Variants in UIMC1 observed in about 807,000 individuals in gnomAD.
UIMC1 encodes ubiquitin interaction motif containing 1, also known as BRCA1-A complex subunit RAP80.
UIMC1 carries 42 observed loss-of-function variants against 84.9 expected under a neutral mutation model. That is an observed-to-expected ratio of 0.49 (90% CI 0.39 to 0.64). UIMC1 has a LOEUF of 0.64. Among genes scored for constraint, UIMC1 ranks in the 30% least tolerant of loss-of-function variants. The probability of loss-of-function intolerance (pLI) is 0.00; values close to 1 mark genes in which losing one functional copy is unlikely to be tolerated. For missense variants in UIMC1, 825 were observed against 847.6 expected (o/e 0.97, Z 0.33); for synonymous variants, 281 against 293.0 (o/e 0.96, Z 0.42).
At chr5:176,996,376 T>C (rs1333212379) in intron 1 of UIMC1, among the ~76,000 whole-genome samples, 3 of 152,158 alleles carry the variant, frequency 2.0e-5, no homozygotes, top group South Asian at 2.1e-4. Context: ...TACACAGTTA[T>C]ATACCTTGAT....
At chr5:176,918,029 T>C (rs1314416263) in intron 10 of UIMC1, among the ~76,000 whole-genome samples, 2 of 152,260 alleles carry the variant, frequency 1.3e-5, no homozygotes, top group East Asian at 1.9e-4. Flanking sequence ...TAGCCATATG[T>C]GGCTACCATA....
intron 7 of UIMC1, among the ~76,000 whole-genome samples, chr5:176,956,678 A>G (rs1489174658): frequency 2.6e-5 from 4 of 151,964 alleles, no homozygotes; most frequent in African/African-American, 9.7e-5. Context: ...ATAGGAATAC[A>G]TGGCTGATCT....
chr5:177,000,541 C>CTTTTTTTTT, intron 1 of UIMC1, among the ~76,000 whole-genome samples: 1 of 127,486 alleles, frequency 7.8e-6, no homozygotes. Flanking sequence ...ATTCTTATTG[C>CTTTTTTTTT]CCAGGCTGGA....
At chr5:176,980,659 A>G (rs1380004024) in intron 2 of UIMC1, among the ~76,000 whole-genome samples, 1 of 152,006 alleles carries the variant, frequency 6.6e-6, no homozygotes, top group Non-Finnish European at 1.5e-5. Flanking sequence ...TTTTAAACAT[A>G]TATGTATACA....
chr5:176,971,900 A>C (rs765354363), intron 3 of UIMC1, among the ~76,000 whole-genome samples: 3 of 151,932 alleles, frequency 2.0e-5, no homozygotes, highest in Non-Finnish European at 4.4e-5. Flanking sequence ...CAAAAGCAAG[A>C]CTCCATCTCA....
chr5:176,916,320 G>A (rs1229706324), intron 10 of UIMC1, among the ~76,000 whole-genome samples: 2 of 152,246 alleles, frequency 1.3e-5, no homozygotes, highest in Non-Finnish European at 2.9e-5. Flanking sequence ...AGCTGAGAGA[G>A]ACAACACTAA....
chr5:176,931,326 G>T (rs1435434950), intron 10 of UIMC1, among the ~76,000 whole-genome samples: 1 of 152,084 alleles, frequency 6.6e-6, no homozygotes, highest in Non-Finnish European at 1.5e-5. Context: ...CTCTAAAATG[G>T]TTTTTGCTGT....
intron 10 of UIMC1, among the ~76,000 whole-genome samples, chr5:176,927,295 C>T (rs1693431963): frequency 6.6e-6 from 1 of 151,758 alleles, no homozygotes; most frequent in South Asian, 2.1e-4. Flanking sequence ...ACTCTGTTGC[C>T]CAGGCTGGAG....
intron 6 of UIMC1, among the ~76,000 whole-genome samples, chr5:176,963,848 T>TAAA (rs113881796): frequency 2.1e-5 from 3 of 144,890 alleles, no homozygotes; most frequent in South Asian, 2.2e-4. Flanking sequence ...TCATTTCTGA[T>TAAA]AAAAAAAAAA....
At chr5:177,011,822 A>G (rs1274215587) in intron 1 of UIMC1, among the ~76,000 whole-genome samples, 1 of 149,426 alleles carries the variant, frequency 6.7e-6, no homozygotes, top group Non-Finnish European at 1.5e-5. Flanking sequence ...TTTTTTTGAG[A>G]CGGAATCTCG....
In UIMC1 at chr5:176,906,041, T is replaced by C; in HGVS notation, c.1919A>G (p.Asp640Gly). 1 of 1,614,000 alleles carries C rather than the reference T, an allele frequency of 6.2e-7. No homozygotes were observed. Reference protein sequence around the residue: ...EQSEHKTSDADIKSSETGAFR... With the variant: ...EQSEHKTSDAGIKSSETGAFR... ...GGCTCCTGTTTCTGAAGACTTGATGTCTGCATCTGTGATATAAAAGAAAAA... is the reference window on the plus strand; with the variant it reads ...GGCTCCTGTTTCTGAAGACTTGATGCCTGCATCTGTGATATAAAAGAAAAA... Residue 640 changes from aspartate to glycine, a missense_variant, in exon 14 of 15, where the codon GAC becomes GGC. By Grantham distance (94) the Asp-to-Gly change is moderately conservative. Coordinates refer to ENST00000511320, the MANE Select transcript of UIMC1 (RefSeq NM_001199298.2).
intron 12 of UIMC1, 167 bp from the exon 13 acceptor site, chr5:176,907,344 A>C: frequency 3.3e-6 from 2 of 613,658 alleles, no homozygotes; most frequent in Non-Finnish European, 2.9e-6. Context: ...GTGAAAAAGC[A>C]AACTATAATG....
At chr5:176,934,182 A>AAAAT (rs2149429032) in intron 10 of UIMC1, among the ~76,000 whole-genome samples, 1 of 152,326 alleles carries the variant, frequency 6.6e-6, no homozygotes, top group East Asian at 1.9e-4. Flanking sequence ...AGGATATGAA[A>AAAAT]AAATCTTAAG....
chr5:176,908,638 T>A lies in UIMC1; in HGVS notation c.1733A>T (p.His578Leu). 4 of 1,614,188 alleles carry A rather than the reference T, an allele frequency of 2.5e-6. No individual in the cohort carries two copies. The highest frequency in any genetic ancestry group is 3.4e-6 in the Non-Finnish European group (4 of 1,180,014). ...SLVPFREYQC[H>L]VDSCLQLAKA... ...TGCAAGCTGGAGACAGGAGTCCACA[T>A]GACACTGATACTCTCTAAATGGGAC... Residue 578 changes from histidine (H) to leucine (L), a missense_variant, in exon 12 of 15, where the codon CAT becomes CTT. Coordinates refer to ENST00000511320, the MANE Select transcript of UIMC1 (RefSeq NM_001199298.2).
At chr5:177,018,453 TACAG>T (rs1192470061) in intron 1 of UIMC1, among the ~76,000 whole-genome samples, 3 of 152,142 alleles carry the variant, frequency 2.0e-5, no homozygotes, top group Non-Finnish European at 4.4e-5. Flanking sequence ...CACATGCACA[TACAG>T]AGTCAGTATT....
At chr5:176,911,240 T>A (rs1760171180) in intron 11 of UIMC1, 71 bp downstream of exon 11, 1 of 1,280,884 alleles carries the variant, frequency 7.8e-7, no homozygotes, top group Admixed American at 2.4e-5. Context: ...AAGATAGGAA[T>A]TGGTCTTTTT....
chr5:176,985,570 T>C (rs116189327), intron 1 of UIMC1, among the ~76,000 whole-genome samples: 2,626 of 152,206 alleles, frequency 0.017, 28 homozygotes, highest in South Asian at 0.026. Context: ...ATTTAGATAA[T>C]TGCTTTTCTT....
Position 176,911,343 on chromosome 5 carries a change from C to T in UIMC1, c.1644G>A (p.Gly548=), listed in dbSNP as rs759624488. Residue 548 remains glycine (G), a synonymous_variant, in exon 11 of 15, where the codon GGG becomes GGA. Coordinates refer to ENST00000511320, the MANE Select transcript of UIMC1 (RefSeq NM_001199298.2). ...QKEAKTKSDS[G]TAAQTSLDID... ...TGTCTAGAGAAGTCTGGGCAGCTGT[C>T]CCACTGTCACTCTTGGTCTTGGCCT... 2 of 1,600,650 alleles carry T rather than the reference C, an allele frequency of 1.2e-6. No homozygotes were observed. The highest frequency in any genetic ancestry group is 2.3e-5 in the South Asian group (2 of 88,510).
chr5:176,925,532 C>G (rs2067839530), intron 10 of UIMC1, among the ~76,000 whole-genome samples: 1 of 151,798 alleles, frequency 6.6e-6, no homozygotes, highest in South Asian at 2.1e-4. Flanking sequence ...ATGTTCACAG[C>G]AGCATTCTTA....
Sources: gnomAD v4.1 joint callset for allele counts (sites outside exome capture counted in the v4.1 genomes callset) on GRCh38, gnomAD v4.1.1 for gene constraint, MANE v1.5 for transcripts, NCBI Gene and HGNC (gene_info 2026-07-23, HGNC 2026-07-21) for gene names.